Variants in DOCK3 observed in about 807,000 individuals in gnomAD.
DOCK3 encodes the protein dedicator of cytokinesis 3.
In DOCK3, 60 loss-of-function variants were observed where a neutral mutation model predicts 265.6. The observed-to-expected ratio is 0.23, with a 90% confidence interval of 0.18 to 0.28. DOCK3 has a LOEUF of 0.28. Ranked by LOEUF, DOCK3 falls within the 10% of genes least tolerant of loss-of-function variation. The pLI is 1.00. For synonymous variants in DOCK3, 881 were observed against 938.0 expected (o/e 0.94, Z 1.11); for missense variants, 1,981 against 2,594.3 (o/e 0.76, Z 5.14).
chr3:51,017,804 T>G (rs961063823), intron 5 of DOCK3, among the ~76,000 whole-genome samples: 3 of 151,876 alleles, frequency 2.0e-5, no homozygotes, highest in Non-Finnish European at 4.4e-5. Context: ...AATGCTAACT[T>G]TAATAGGCAC....
chr3:51,309,512 G>A (rs2082930074), intron 27 of DOCK3, among the ~76,000 whole-genome samples: 3 of 152,328 alleles, frequency 2.0e-5, no homozygotes, highest in South Asian at 4.1e-4. Context: ...CAGGGAGGTT[G>A]CAGTGAGCCG....
chr3:51,261,700 G>A (rs987847482), intron 23 of DOCK3, among the ~76,000 whole-genome samples: 4 of 152,174 alleles, frequency 2.6e-5, no homozygotes, highest in Non-Finnish European at 4.4e-5. Context: ...GTCTGATGTC[G>A]ATCTGGGACA....
intron 9 of DOCK3, among the ~76,000 whole-genome samples, chr3:51,110,079 T>A (rs538932167): frequency 6.6e-6 from 1 of 152,288 alleles, no homozygotes; most frequent in Admixed American, 6.5e-5. Context: ...GATAAATTCC[T>A]GGGTACATAC....
intron 9 of DOCK3, among the ~76,000 whole-genome samples, chr3:51,102,912 C>T (rs763937952): frequency 2.6e-5 from 4 of 152,100 alleles, no homozygotes; most frequent in Non-Finnish European, 5.9e-5. Context: ...AGGAATGCTC[C>T]AAATATGTTT....
chr3:51,153,024 T>C (rs1407198342), intron 10 of DOCK3, among the ~76,000 whole-genome samples: 1 of 152,188 alleles, frequency 6.6e-6, no homozygotes, highest in Non-Finnish European at 1.5e-5. Flanking sequence ...GAACCACTGC[T>C]CTCTTCAGTG....
intron 1 of DOCK3, among the ~76,000 whole-genome samples, chr3:50,700,547 C>T (rs868110650): frequency 6.6e-6 from 1 of 152,186 alleles, no homozygotes; most frequent in Non-Finnish European, 1.5e-5. Context: ...GTCTTCTGTT[C>T]CTGACTTAGT....
chr3:51,069,962 G>C (rs144550298), intron 6 of DOCK3, among the ~76,000 whole-genome samples: 1 of 152,294 alleles, frequency 6.6e-6, no homozygotes, highest in Non-Finnish European at 1.5e-5. Context: ...GGTTCTTCCC[G>C]TACCTGGTGG....
intron 12 of DOCK3, among the ~76,000 whole-genome samples, chr3:51,202,178 T>G (rs2088829277): frequency 1.4e-5 from 1 of 72,820 alleles, no homozygotes; most frequent in African/African-American, 5.6e-5. Flanking sequence ...AGAGCAGAAC[T>G]GAAGGAAATA....
At chr3:50,980,024 G>A (rs1223551118) in intron 5 of DOCK3, among the ~76,000 whole-genome samples, 1 of 152,142 alleles carries the variant, frequency 6.6e-6, no homozygotes, top group Non-Finnish European at 1.5e-5. Flanking sequence ...GGGCATCTGT[G>A]TCTTGTTCCA....
chr3:51,097,723 A>T (rs1027052927), intron 9 of DOCK3, among the ~76,000 whole-genome samples: 3 of 152,108 alleles, frequency 2.0e-5, no homozygotes, highest in Non-Finnish European at 4.4e-5. Context: ...TGTGCTTGAA[A>T]TCCAGGGCCC....
intron 40 of DOCK3, among the ~76,000 whole-genome samples, chr3:51,350,711 T>C (rs1249426398): frequency 6.6e-6 from 1 of 152,236 alleles, no homozygotes; most frequent in Non-Finnish European, 1.5e-5. Context: ...CTCCAGTGCC[T>C]GGAACCTCCA....
chr3:51,108,404 A>C lies in DOCK3; in HGVS notation c.746+18020A>C, dbSNP rs183805826. Among the ~76,000 whole-genome samples the C allele has an allele frequency of 2.2e-4, 34 of 152,336 alleles. No individual in the cohort carries two copies. In the East Asian group the frequency reaches 5.8e-3, roughly 26 times the overall value. On this transcript the variant is annotated intron_variant, in intron 9 of 52. Transcript: ENST00000266037. Reference sequence around the variant, plus strand: ...TTCTAAACGAAGCACTAAATATGGAAAGGAAAGACCATTGCCAACCACCAC... The same window carrying C: ...TTCTAAACGAAGCACTAAATATGGACAGGAAAGACCATTGCCAACCACCAC...
At chr3:50,800,824 C>T (rs1228543072) in intron 2 of DOCK3, among the ~76,000 whole-genome samples, 1 of 152,052 alleles carries the variant, frequency 6.6e-6, no homozygotes, top group Non-Finnish European at 1.5e-5. Context: ...CCTCTTAATA[C>T]TGCTTTTGCT....
At chr3:51,215,603 A>C (rs773668866) in intron 14 of DOCK3, among the ~76,000 whole-genome samples, 2 of 152,176 alleles carry the variant, frequency 1.3e-5, no homozygotes, top group Non-Finnish European at 2.9e-5. Context: ...ACATACACAA[A>C]GAGTTGGGTA....
chr3:51,201,073 C>A (rs1215962695), intron 12 of DOCK3, among the ~76,000 whole-genome samples: 1 of 151,466 alleles, frequency 6.6e-6, no homozygotes, highest in Admixed American at 6.6e-5. Context: ...CAAAATCATG[C>A]CAAAATGTAA....
At position 51,282,514 on chromosome 3, in the gene DOCK3, G is replaced by A. The variant is rs186211204; in HGVS notation, c.2922+2310G>A. On this transcript the variant is annotated intron_variant, in intron 27 of 52. Transcript: ENST00000266037. ...ACTAAAAATACAAACTTATACGGGT[G>A]TGGTGGTGCACGCCTGTAATCCCAG... Among the ~76,000 whole-genome samples the A allele has an allele frequency of 1.1e-3, 169 of 151,996 alleles. 1 individual carries two copies. Among genetic ancestry groups the A allele is most frequent in the Admixed American group, 2.0e-3 (30 of 15,276 alleles).
chr3:51,175,158 T>TC (rs2086874079), intron 12 of DOCK3, among the ~76,000 whole-genome samples: 1 of 152,194 alleles, frequency 6.6e-6, no homozygotes, highest in Non-Finnish European at 1.5e-5. Context: ...GACCAAGGTC[T>TC]TCAGGCTTGC....
chr3:50,925,487 G>A (rs2050707532), intron 4 of DOCK3, among the ~76,000 whole-genome samples: 1 of 152,004 alleles, frequency 6.6e-6, no homozygotes, highest in Non-Finnish European at 1.5e-5. Flanking sequence ...AGGCCATAGT[G>A]CACTATGATC....
intron 4 of DOCK3, among the ~76,000 whole-genome samples, chr3:50,906,720 AT>A (rs1241847212): frequency 3.7e-4 from 56 of 151,576 alleles, no homozygotes; most frequent in Non-Finnish European, 7.5e-4. Flanking sequence ...GGCTTCATTG[AT>A]TTTTTTGAAG....
Sources: gnomAD v4.1 joint callset for allele counts (sites outside exome capture counted in the v4.1 genomes callset) on GRCh38, gnomAD v4.1.1 for gene constraint, MANE v1.5 for transcripts, NCBI Gene and HGNC (gene_info 2026-07-23, HGNC 2026-07-21) for gene names.